OR4D1: variants seen among roughly 807,000 people sequenced by gnomAD.
OR4D1 encodes olfactory receptor 4D1.
In OR4D1, 10 loss-of-function variants were observed where a neutral mutation model predicts 14.2. That is an observed-to-expected ratio of 0.71 (90% CI 0.44 to 1.20). The LOEUF is 1.20. Among genes scored for constraint, OR4D1 ranks in the 50% most tolerant of loss-of-function variants. The pLI is 0.00. For synonymous variants in OR4D1, 141 were observed against 147.4 expected (o/e 0.96, Z 0.32); for missense variants, 345 against 376.6 (o/e 0.92, Z 0.70).
In OR4D1 at chr17:58,148,798, A is replaced by T. The variant is rs1049843530; in HGVS notation, c.-495+214A>T. On this transcript the variant is annotated intron_variant, in intron 1 of 3. Transcript: ENST00000268912. ...CCCCCGCCTCCCACATACATACTACAGCTTCTTCCCACACCTAGGAGAAAA... is the reference window on the plus strand; with the variant it reads ...CCCCCGCCTCCCACATACATACTACTGCTTCTTCCCACACCTAGGAGAAAA... Among the ~76,000 whole-genome samples the T allele has an allele frequency of 2.0e-5, 3 of 152,102 alleles. No individual in the cohort carries two copies. In the South Asian group the frequency reaches 6.2e-4, roughly 32 times the overall value.
rs978603287 is a variant in OR4D1 at position 58,156,943 on chromosome 17, C to T, written c.*857C>T. 1.5e-5 allele frequency: 10 copies of T among 660,872 alleles called. No individual in the cohort carries two copies. In the African/African-American group the frequency reaches 1.6e-4, roughly 11 times the overall value. The allele number at this position is 660,872 out of a possible 1,614,324, so 40.9% of individuals were successfully genotyped here. ...AGTTATCTCGCCCTCCCTCCTCCCC[C>T]ACAAAAAAAGTTTGAGTCGCCGCTG... On this transcript the variant is annotated 3_prime_UTR_variant, in exon 4 of 4. Coordinates refer to ENST00000268912, the MANE Select transcript of OR4D1 (RefSeq NM_001386095.1).
chr17:58,154,014 T>G (rs1967735092), intron 3 of OR4D1, among the ~76,000 whole-genome samples, 51 bp downstream of exon 3: 1 of 152,152 alleles, frequency 6.6e-6, no homozygotes, highest in African/African-American at 2.4e-5. Context: ...AGAGATGTGA[T>G]CTCACTATGT....
At position 58,157,522 on chromosome 17, in the gene OR4D1, C is replaced by G. The variant is rs1440254034; in HGVS notation, c.*1436C>G. ...ACCTCTCCATTGCAGAGGGTGCGGA[C>G]TTCTCCAGCTCTCCGAACCTCACGG... On this transcript the variant is annotated 3_prime_UTR_variant, in exon 4 of 4. Transcript: ENST00000268912. 7 of 1,340,056 alleles carry G rather than the reference C, an allele frequency of 5.2e-6. No individual in the cohort carries two copies. Among genetic ancestry groups the G allele is most frequent in the Non-Finnish European group, 6.4e-6 (6 of 931,692 alleles). 83.0% of individuals were successfully genotyped at this position (1,340,056 alleles called of 1,614,324 possible). A position where few individuals can be genotyped will look rare whatever the true frequency, so the allele number is the denominator to read the frequency against.
At chr17:58,150,678 G>C (rs1209229983) in intron 2 of OR4D1, among the ~76,000 whole-genome samples, 1 of 152,176 alleles carries the variant, frequency 6.6e-6, no homozygotes. Flanking sequence ...CTGAAGAACT[G>C]GTTATGAGGA....
At position 58,156,968 on chromosome 17, in the gene OR4D1, GC is replaced by G; in HGVS notation, c.*883del. 1.4e-6 allele frequency: 1 copy of G among 704,650 alleles called. No individual in the cohort carries two copies. The highest frequency in any genetic ancestry group is 2.5e-6 in the Non-Finnish European group (1 of 398,018). The allele number at this position is 704,650 out of a possible 1,614,324, so 43.6% of individuals were successfully genotyped here. A position where few individuals can be genotyped will look rare whatever the true frequency, so the allele number is the denominator to read the frequency against. ...CACAAAAAAAGTTTGAGTCGCCGCT[GC>G]GGGTTGCTAGCGGAGTCGCGCGTCG... On this transcript the variant is annotated 3_prime_UTR_variant, in exon 4 of 4. Coordinates refer to ENST00000268912, the MANE Select transcript of OR4D1 (RefSeq NM_001386095.1).
chr17:58,157,059 G>A lies in OR4D1; in HGVS notation c.*973G>A. The A allele has an allele frequency of 2.3e-6, 3 of 1,301,782 alleles. No individual in the cohort carries two copies. In the South Asian group the frequency reaches 3.9e-5, roughly 17 times the overall value. 80.6% of individuals were successfully genotyped at this position (1,301,782 alleles called of 1,614,324 possible). On this transcript the variant is annotated 3_prime_UTR_variant, in exon 4 of 4. Coordinates refer to ENST00000268912, the MANE Select transcript of OR4D1 (RefSeq NM_001386095.1). Reference sequence around the variant, plus strand: ...GTCCAATGAGAAGGGGCCAGCGGTGGCGGTCGGGCCAGGTCCGGGGCCTGG... The same window carrying A: ...GTCCAATGAGAAGGGGCCAGCGGTGACGGTCGGGCCAGGTCCGGGGCCTGG...
rs776044106 is a variant in OR4D1 at position 58,156,048 on chromosome 17, A to T, written c.895A>T (p.Arg299Trp). ...AAACCAGGACATGAAAGCAGCCATG[A>T]GGAGATTAGGCAAGTGCCTAGTAAT... is the stretch of plus-strand genomic sequence containing the variant. The part of the protein sequence containing the change: ...LRNQDMKAAM[R>W]RLGKCLVICR... Residue 299 changes from arginine to tryptophan, a missense_variant, in exon 4 of 4, where the codon AGG becomes TGG. Arg to Trp is a moderately radical substitution (Grantham distance 101, BLOSUM62 -3). Coordinates refer to ENST00000268912, the MANE Select transcript of OR4D1 (RefSeq NM_001386095.1). The T allele has an allele frequency of 6.2e-7, 1 of 1,613,136 alleles. No homozygotes were observed. The highest frequency in any genetic ancestry group is 2.2e-5 in the East Asian group (1 of 44,892).
chr17:58,155,859 G>A lies in OR4D1; in HGVS notation c.706G>A (p.Ala236Thr). Residue 236 changes from alanine to threonine, a missense_variant, in exon 4 of 4, where the codon GCA becomes ACA. Coordinates refer to ENST00000268912, the MANE Select transcript of OR4D1 (RefSeq NM_001386095.1). ...RSHSGKARRK[A>T]ASTCTTHIIV... is the part of the protein sequence containing the mutation. Reference sequence around the variant, plus strand: ...CCACTCGGGAAAGGCAAGGAGGAAGGCAGCTTCCACCTGCACCACCCACAT... The same window carrying A: ...CCACTCGGGAAAGGCAAGGAGGAAGACAGCTTCCACCTGCACCACCCACAT... 2 of 1,613,988 alleles carry A rather than the reference G, an allele frequency of 1.2e-6. No individual in the cohort carries two copies. The highest frequency in any genetic ancestry group is 1.7e-6 in the Non-Finnish European group (2 of 1,179,870).
At chr17:58,150,549 TTAGAG>T (rs1342611263) in intron 2 of OR4D1, among the ~76,000 whole-genome samples, 1 of 152,080 alleles carries the variant, frequency 6.6e-6, no homozygotes, top group African/African-American at 2.4e-5. Context: ...GTATTTGGGT[TTAGAG>T]TAAAGAAGTA....
At chr17:58,155,016 T>C in intron 3 of OR4D1, 119 bp from the exon 4 acceptor site, 1 of 700,560 alleles carries the variant, frequency 1.4e-6, no homozygotes, top group Non-Finnish European at 2.4e-6. Flanking sequence ...TTTCCTAAGC[T>C]ACATCTCGGA....
chr17:58,157,673 C>G lies in OR4D1; in HGVS notation c.*1587C>G. 1 of 1,613,926 alleles carries G rather than the reference C, an allele frequency of 6.2e-7. No homozygotes were observed. Among genetic ancestry groups the G allele is most frequent in the Non-Finnish European group, 8.5e-7 (1 of 1,179,848 alleles). ...ACCCTCCAGCTTCAGTCTCCCTTTC[C>G]CCATCAGCTCGCCCCTGCAGGCAGC... is the stretch of plus-strand genomic sequence containing the variant. On this transcript the variant is annotated 3_prime_UTR_variant, in exon 4 of 4. Transcript: ENST00000268912.
At chr17:58,151,248 A>G (rs1333705391) in intron 2 of OR4D1, among the ~76,000 whole-genome samples, 4 of 152,144 alleles carry the variant, frequency 2.6e-5, no homozygotes, top group Non-Finnish European at 4.4e-5. Flanking sequence ...GTTGATGAAG[A>G]TCTTTTTTTT....
In OR4D1 at chr17:58,156,980, C is replaced by G; in HGVS notation, c.*894C>G. ...TTGAGTCGCCGCTGCGGGTTGCTAG[C>G]GGAGTCGCGCGTCGGGAGCTACGTA... On this transcript the variant is annotated 3_prime_UTR_variant, in exon 4 of 4. Transcript: ENST00000268912. 1.4e-6 allele frequency: 1 copy of G among 730,614 alleles called. No homozygotes were observed. The highest frequency in any genetic ancestry group is 1.5e-5 in the South Asian group (1 of 66,080). 45.3% of individuals were successfully genotyped at this position (730,614 alleles called of 1,614,324 possible).
rs1567779570 is a variant in OR4D1 at position 58,155,579 on chromosome 17, G to C, written c.426G>C (p.Val142=). Residue 142 remains valine (V), a synonymous_variant, in exon 4 of 4, where the codon GTG becomes GTC. Transcript: ENST00000268912. ...YVTIMNTQLC[V]GLVVAAWVGG... is the part of the protein sequence containing the mutation. ...CCATCATGAACACTCAATTGTGTGT[G>C]GGCCTGGTAGTAGCCGCCTGGGTGG... The C allele has an allele frequency of 1.2e-6, 2 of 1,614,006 alleles. No individual in the cohort carries two copies. Among genetic ancestry groups the C allele is most frequent in the South Asian group, 2.2e-5 (2 of 91,082 alleles).
chr17:58,157,285 T>A lies in OR4D1; in HGVS notation c.*1199T>A. The A allele has an allele frequency of 6.7e-7, 1 of 1,502,506 alleles. No homozygotes were observed. The highest frequency in any genetic ancestry group is 8.9e-7 in the Non-Finnish European group (1 of 1,124,848). 93.1% of individuals were successfully genotyped at this position (1,502,506 alleles called of 1,614,324 possible). On this transcript the variant is annotated 3_prime_UTR_variant, in exon 4 of 4. Transcript: ENST00000268912. ...GAAGCGCACAGCCCCGGGCCGCTGATCAAGCCCTTCGAGACCGCCTCGGTC... is the reference window on the plus strand; with the variant it reads ...GAAGCGCACAGCCCCGGGCCGCTGAACAAGCCCTTCGAGACCGCCTCGGTC...
rs1274981671 is a variant in OR4D1 at position 58,158,453 on chromosome 17, C to A, written c.*2367C>A. The A allele has an allele frequency of 2.8e-5, 4 of 141,252 alleles. No individual in the cohort carries two copies. The highest frequency in any genetic ancestry group is 7.1e-5 in the Admixed American group (1 of 14,010). The allele number at this position is 141,252 out of a possible 1,614,324, so 8.7% of individuals were successfully genotyped here. The stretch of plus-strand genomic sequence containing the variant: ...TTCCTATCTCTCCCCACGCCCACCC[C>A]CCCCCCACACACACATTTTTACAGT... On this transcript the variant is annotated 3_prime_UTR_variant, in exon 4 of 4. Transcript: ENST00000268912.
At chr17:58,150,246 T>G (rs900085947) in intron 2 of OR4D1, among the ~76,000 whole-genome samples, 3 of 152,156 alleles carry the variant, frequency 2.0e-5, no homozygotes, top group African/African-American at 7.2e-5. Flanking sequence ...AATTCCTTCC[T>G]GTAGACAATA....
Position 58,156,230 on chromosome 17 carries a change from G to T in OR4D1, c.*144G>T. 6 of 611,696 alleles carry T rather than the reference G, an allele frequency of 9.8e-6. No homozygotes were observed. Among genetic ancestry groups the T allele is most frequent in the African/African-American group, 1.9e-5 (1 of 53,742 alleles). The allele number at this position is 611,696 out of a possible 1,614,324, so 37.9% of individuals were successfully genotyped here. ...GACCTAGTGCTGTGTCAAGTACTGT[G>T]TTAAGCACTTCCACGCTTTTTTTCT... On this transcript the variant is annotated 3_prime_UTR_variant, in exon 4 of 4. Coordinates refer to ENST00000268912, the MANE Select transcript of OR4D1 (RefSeq NM_001386095.1).
At position 58,155,728 on chromosome 17, in the gene OR4D1, C is replaced by G; in HGVS notation, c.575C>G (p.Thr192Ser). ...GTACTGAGACTTGCCTGCACTGATA[C>G]CTCCCTCCTGGAGTTCCTCATGATC... is the stretch of plus-strand genomic sequence containing the variant. ...PQVLRLACTD[T>S]SLLEFLMISN... is the part of the protein sequence containing the mutation. Residue 192 changes from threonine to serine, a missense_variant, in exon 4 of 4, where the codon ACC becomes AGC. By Grantham distance (58) the Thr-to-Ser change is moderately conservative (BLOSUM62 1). Coordinates refer to ENST00000268912, the MANE Select transcript of OR4D1 (RefSeq NM_001386095.1). 6.2e-7 allele frequency: 1 copy of G among 1,614,130 alleles called. No homozygotes were observed. The highest frequency in any genetic ancestry group is 8.5e-7 in the Non-Finnish European group (1 of 1,179,990).
Sources: allele counts gnomAD v4.1 joint callset (sites outside exome capture counted in the v4.1 genomes callset), GRCh38; gene constraint gnomAD v4.1.1; transcripts MANE v1.5; gene names NCBI Gene and HGNC (gene_info 2026-07-23, HGNC 2026-07-21).